CCDC102B: variants seen among roughly 807,000 people sequenced by gnomAD.
CCDC102B encodes the protein coiled-coil domain-containing protein 102B.
CCDC102B carries 75 observed loss-of-function variants against 57.4 expected under a neutral mutation model. That is an observed-to-expected ratio of 1.31 (90% CI 1.08 to 1.58). The LOEUF (loss-of-function observed/expected upper bound fraction) is 1.58, where lower values mean the gene tolerates loss of function less well. Ranked by LOEUF, CCDC102B falls within the 40% of genes most tolerant of loss-of-function variation. CCDC102B has a pLI of 0.00. For synonymous variants in CCDC102B, 206 were observed against 201.9 expected (o/e 1.02, Z -0.17); for missense variants, 636 against 582.6 (o/e 1.09, Z -0.94).
chr18:69,028,445 A>C lies in CCDC102B; in HGVS notation c.1434+17341A>C, dbSNP rs139044380. Among the ~76,000 whole-genome samples, 808 of 152,252 alleles carry C rather than the reference A, an allele frequency of 5.3e-3. 4 individuals are homozygous for C. The highest frequency in any genetic ancestry group is 8.7e-3 in the Non-Finnish European group (590 of 68,004). On this transcript the variant is annotated intron_variant, in intron 7 of 7. Transcript: ENST00000360242. ...TTGAAAACCATGTTGGGGAATTTAA[A>C]CATTATTTGGCAGGAATAGTAAACC...
At chr18:69,027,852 C>T (rs964943455) in intron 7 of CCDC102B, among the ~76,000 whole-genome samples, 10 of 152,116 alleles carry the variant, frequency 6.6e-5, no homozygotes, top group Non-Finnish European at 5.9e-5. Context: ...CATACCTCCT[C>T]CATGTGAAAT....
intron 2 of CCDC102B, among the ~76,000 whole-genome samples, chr18:68,731,702 TATATA>T (rs149792441): frequency 0.019 from 2,865 of 149,952 alleles, 40 homozygotes; most frequent in Non-Finnish European, 0.029. Flanking sequence ...TCTATGTGTG[TATATA>T]ATATAATATA....
At chr18:68,743,405 A>T (rs2033485881) in intron 2 of CCDC102B, among the ~76,000 whole-genome samples, 1 of 152,028 alleles carries the variant, frequency 6.6e-6, no homozygotes, top group Non-Finnish European at 1.5e-5. Flanking sequence ...GCGATACTCC[A>T]TCTCAAAAAC....
intron 6 of CCDC102B, among the ~76,000 whole-genome samples, chr18:68,927,848 G>A (rs1764420462): frequency 6.6e-6 from 1 of 151,872 alleles, no homozygotes; most frequent in Non-Finnish European, 1.5e-5. Flanking sequence ...GCTTTTTACA[G>A]AGGTAAATGA....
chr18:68,906,472 C>G (rs933405237), intron 6 of CCDC102B, among the ~76,000 whole-genome samples: 3 of 152,096 alleles, frequency 2.0e-5, no homozygotes, highest in Non-Finnish European at 4.4e-5. Context: ...TTCTCCACAT[C>G]CTTGGCAACA....
chr18:68,955,214 C>T (rs923651778), intron 6 of CCDC102B, among the ~76,000 whole-genome samples: 3 of 151,878 alleles, frequency 2.0e-5, no homozygotes, highest in South Asian at 2.1e-4. Flanking sequence ...AGGGCTATTC[C>T]GAAGCCAAAT....
At chr18:68,842,271 A>G (rs190926768) in intron 3 of CCDC102B, among the ~76,000 whole-genome samples, 44 of 151,722 alleles carry the variant, frequency 2.9e-4, no homozygotes, top group African/African-American at 1.1e-3. Flanking sequence ...GAATACATTG[A>G]CATGCAAATC....
At chr18:68,804,522 CA>C (rs1219783458) in intron 1 of CCDC102B, among the ~76,000 whole-genome samples, 1 of 152,108 alleles carries the variant, frequency 6.6e-6, no homozygotes, top group Non-Finnish European at 1.5e-5. Flanking sequence ...GGAGCGCTTG[CA>C]GTCAGAGGTG....
intron 2 of CCDC102B, among the ~76,000 whole-genome samples, chr18:68,791,066 A>G (rs184223219): frequency 2.6e-4 from 39 of 152,344 alleles, no homozygotes; most frequent in Admixed American, 1.4e-3. Flanking sequence ...ATTAATCCGT[A>G]TGCCTTAGCA....
At chr18:68,980,738 G>A (rs988594782) in intron 6 of CCDC102B, among the ~76,000 whole-genome samples, 1 of 152,038 alleles carries the variant, frequency 6.6e-6, no homozygotes, top group African/African-American at 2.4e-5. Flanking sequence ...GTCCCAGAAT[G>A]TTTGAGAAAT....
intron 1 of CCDC102B, among the ~76,000 whole-genome samples, chr18:68,809,706 G>A (rs1010297868): frequency 6.6e-6 from 1 of 152,110 alleles, no homozygotes; most frequent in African/African-American, 2.4e-5. Context: ...CATCTTCAAT[G>A]CCTAGAATTT....
At chr18:68,720,030 A>G (rs71368370) in intron 2 of CCDC102B, among the ~76,000 whole-genome samples, 1 of 152,236 alleles carries the variant, frequency 6.6e-6, no homozygotes, top group Non-Finnish European at 1.5e-5. Context: ...TTAACTTGGG[A>G]AAAAAGTTTT....
At chr18:68,723,694 G>A (rs1338349998) in intron 2 of CCDC102B, among the ~76,000 whole-genome samples, 1 of 152,236 alleles carries the variant, frequency 6.6e-6, no homozygotes, top group Non-Finnish European at 1.5e-5. Flanking sequence ...AGCTTGGACA[G>A]CTCCACTCCT....
At chr18:68,775,913 A>G (rs1041749911) in intron 2 of CCDC102B, among the ~76,000 whole-genome samples, 2 of 152,140 alleles carry the variant, frequency 1.3e-5, no homozygotes, top group Non-Finnish European at 2.9e-5. Context: ...TGGCCTCCCC[A>G]AGTGCTGGGA....
chr18:68,801,007 G>A (rs1225246503), intron 1 of CCDC102B, among the ~76,000 whole-genome samples: 2 of 151,544 alleles, frequency 1.3e-5, no homozygotes, highest in Non-Finnish European at 2.9e-5. Flanking sequence ...TCATAACAAC[G>A]AGGTTTTTTT....
At chr18:68,853,922 T>C (rs2034757448) in intron 4 of CCDC102B, among the ~76,000 whole-genome samples, 2 of 152,224 alleles carry the variant, frequency 1.3e-5, no homozygotes, top group African/African-American at 4.8e-5. Context: ...GTTAGAGAAC[T>C]AGACAAGAGA....
At chr18:68,924,261 G>A (rs1054225401) in intron 6 of CCDC102B, among the ~76,000 whole-genome samples, 4 of 151,932 alleles carry the variant, frequency 2.6e-5, no homozygotes, top group Non-Finnish European at 5.9e-5. Context: ...AATCCCATGT[G>A]TCAAGGGAGA....
intron 2 of CCDC102B, among the ~76,000 whole-genome samples, chr18:68,776,957 T>C (rs1410110610): frequency 2.6e-5 from 4 of 152,206 alleles, no homozygotes; most frequent in Admixed American, 1.3e-4. Context: ...TTGTGGTACT[T>C]ATATATTGTG....
intron 2 of CCDC102B, among the ~76,000 whole-genome samples, chr18:68,726,989 C>A (rs1294255275): frequency 6.6e-6 from 1 of 152,090 alleles, no homozygotes; most frequent in Non-Finnish European, 1.5e-5. Flanking sequence ...TGCTCCTCTC[C>A]CCTCAGACTA....
Sources: allele counts gnomAD v4.1 joint callset (sites outside exome capture counted in the v4.1 genomes callset), GRCh38; gene constraint gnomAD v4.1.1; transcripts MANE v1.5; gene names NCBI Gene and HGNC (gene_info 2026-07-23, HGNC 2026-07-21).